The following TRPS1 variants were observed in gnomAD, a reference collection of about 807,000 sequenced individuals.
TRPS1 encodes zinc finger transcription factor Trps1.
A neutral mutation model predicts 101.2 loss-of-function variants in TRPS1; 6 were observed. That is an observed-to-expected ratio of 0.06 (90% CI 0.03 to 0.12). TRPS1 has a LOEUF of 0.12. TRPS1 is among the 10% of genes least tolerant of loss of function. TRPS1 has a pLI of 1.00. For synonymous variants in TRPS1, 578 were observed against 589.8 expected, an observed-to-expected ratio of 0.98 and a Z score of 0.29; for missense variants, 1,363 against 1,567.0, an observed-to-expected ratio of 0.87 and a Z score of 2.20.
rs1279199706 is a variant in TRPS1 at position 115,667,878 on chromosome 8, C to A, written c.-122+667G>T. On this transcript the variant is annotated intron_variant, in intron 1 of 6. Coordinates refer to ENST00000395715, the MANE Select transcript of TRPS1 (RefSeq NM_014112.5). ...TCCCGAGTTCGCCCAACTTACTACT[C>A]TGCATGCTGGTGCCTAGTCTGCGCC... 3.3e-6 allele frequency: 5 copies of A among 1,535,610 alleles called. No homozygotes were observed. The East Asian group carries it at 1.2e-4, about 38-fold the overall frequency.
At chr8:115,660,113 G>C (rs1375797931) in intron 1 of TRPS1, among the ~76,000 whole-genome samples, 5 of 151,902 alleles carry the variant, frequency 3.3e-5, no homozygotes, top group Non-Finnish European at 7.4e-5. Context: ...TCATGTAATA[G>C]AGAAATTAGA....
intron 5 of TRPS1, among the ~76,000 whole-genome samples, chr8:115,566,067 G>A (rs945791689): frequency 2.6e-5 from 4 of 152,074 alleles, no homozygotes; most frequent in Non-Finnish European, 4.4e-5. Flanking sequence ...CTATTTTAAA[G>A]AAAACTGTAC....
chr8:115,561,844 A>T (rs762039484), intron 5 of TRPS1, among the ~76,000 whole-genome samples: 13 of 152,104 alleles, frequency 8.5e-5, no homozygotes, highest in Non-Finnish European at 1.6e-4. Context: ...TAAAAAAAAA[A>T]GAACACAATT....
chr8:115,512,989 G>T (rs893503012), intron 5 of TRPS1, among the ~76,000 whole-genome samples: 7 of 151,474 alleles, frequency 4.6e-5, no homozygotes, highest in Non-Finnish European at 8.9e-5. Flanking sequence ...ATCTTGTGGT[G>T]GATCTAACCA....
At chr8:115,490,853 T>C (rs984206178) in intron 5 of TRPS1, among the ~76,000 whole-genome samples, 2 of 152,212 alleles carry the variant, frequency 1.3e-5, no homozygotes, top group Non-Finnish European at 2.9e-5. Flanking sequence ...CACTCCTTTA[T>C]TCAGATTAAA....
At chr8:115,536,077 A>C (rs1318607916) in intron 5 of TRPS1, among the ~76,000 whole-genome samples, 1 of 152,170 alleles carries the variant, frequency 6.6e-6, no homozygotes, top group Admixed American at 6.5e-5. Context: ...TAATGAGCCA[A>C]TCAATGTAAA....
intron 5 of TRPS1, among the ~76,000 whole-genome samples, chr8:115,499,651 C>T (rs563115997): frequency 9.2e-5 from 14 of 152,320 alleles, no homozygotes; most frequent in African/African-American, 3.1e-4. Context: ...TCCTGAAACT[C>T]GCAGATGTCT....
At chr8:115,509,742 T>C (rs1445294822) in intron 5 of TRPS1, 1 of 151,968 alleles carries the variant, frequency 6.6e-6, no homozygotes, top group Non-Finnish European at 1.5e-5. Flanking sequence ...TGATTCTTCG[T>C]TCTTTGGATT....
In TRPS1 at chr8:115,619,419, G is replaced by T; in HGVS notation, c.679C>A (p.Pro227Thr). Residue 227 changes from proline (P) to threonine (T), a missense_variant, in exon 3 of 7, where the codon CCT (proline) becomes ACT (threonine). Coordinates refer to ENST00000395715, the MANE Select transcript of TRPS1 (RefSeq NM_014112.5). ...LLVNDNPDPA[P>T]LSPELQDFKC... ...AAGTCCTGAAGCTCTGGAGACAGAGGTGCCGGGTCTGGGTTGTCATTCACC... is the reference window on the plus strand; with the variant it reads ...AAGTCCTGAAGCTCTGGAGACAGAGTTGCCGGGTCTGGGTTGTCATTCACC... 6.2e-7 allele frequency: 1 copy of T among 1,614,180 alleles called. No homozygotes were observed. The highest frequency in any genetic ancestry group is 8.5e-7 in the Non-Finnish European group (1 of 1,180,046).
chr8:115,573,382 T>G (rs1817248538), intron 5 of TRPS1, among the ~76,000 whole-genome samples: 1 of 152,204 alleles, frequency 6.6e-6, no homozygotes, highest in Middle Eastern at 3.2e-3. Context: ...TATCAAAGAT[T>G]AGCTATTATT....
chr8:115,493,360 A>T (rs1278050952), intron 5 of TRPS1, among the ~76,000 whole-genome samples: 6 of 152,086 alleles, frequency 3.9e-5, no homozygotes, highest in African/African-American at 1.4e-4. Context: ...TCTATGAAGC[A>T]TTTATTTATT....
At chr8:115,547,928 A>G (rs1413783803) in intron 5 of TRPS1, among the ~76,000 whole-genome samples, 1 of 152,132 alleles carries the variant, frequency 6.6e-6, no homozygotes, top group Non-Finnish European at 1.5e-5. Context: ...GAAAACTTCT[A>G]CGCATAATAA....
At chr8:115,526,427 G>A (rs1245814286) in intron 5 of TRPS1, among the ~76,000 whole-genome samples, 6 of 152,166 alleles carry the variant, frequency 3.9e-5, no homozygotes, top group Non-Finnish European at 8.8e-5. Context: ...GTTTGAATTA[G>A]TAGGTAATAT....
chr8:115,464,384 A>G (rs1437732619), intron 5 of TRPS1, among the ~76,000 whole-genome samples: 1 of 152,140 alleles, frequency 6.6e-6, no homozygotes, highest in Non-Finnish European at 1.5e-5. Flanking sequence ...AGAATTCAGT[A>G]GAGAAAATTC....
At chr8:115,455,755 T>TTTTCTTTCTTTC (rs35585069) in intron 5 of TRPS1, among the ~76,000 whole-genome samples, 152 of 139,322 alleles carry the variant, frequency 1.1e-3, no homozygotes, top group Non-Finnish European at 1.4e-3. Flanking sequence ...GCTTTTTTCT[T>TTTTCTTTCTTTC]TTTCTTTCTT....
At chr8:115,630,933 C>A (rs1277516610) in intron 1 of TRPS1, among the ~76,000 whole-genome samples, 4 of 152,014 alleles carry the variant, frequency 2.6e-5, no homozygotes, top group Non-Finnish European at 5.9e-5. Context: ...CAAGAGAACA[C>A]AATCTACAAG....
At chr8:115,524,723 A>T in intron 5 of TRPS1, among the ~76,000 whole-genome samples, 1 of 152,202 alleles carries the variant, frequency 6.6e-6, no homozygotes. Context: ...AACAATAGAA[A>T]GTTCTAAAAT....
intron 5 of TRPS1, among the ~76,000 whole-genome samples, chr8:115,432,695 T>C (rs74849104): frequency 0.012 from 1,764 of 151,982 alleles, 42 homozygotes; most frequent in East Asian, 0.056. Flanking sequence ...GAGGTTTAGT[T>C]AGTCAATCTA....
chr8:115,549,571 A>G (rs1816655738), intron 5 of TRPS1, among the ~76,000 whole-genome samples: 1 of 151,872 alleles, frequency 6.6e-6, no homozygotes, highest in African/African-American at 2.4e-5. Context: ...TGAAAAGGCT[A>G]TCTATATTCC....
Sources: gnomAD v4.1 joint callset for allele counts (sites outside exome capture counted in the v4.1 genomes callset) on GRCh38, gnomAD v4.1.1 for gene constraint, MANE v1.5 for transcripts, NCBI Gene and HGNC (gene_info 2026-07-23, HGNC 2026-07-21) for gene names.